The following GUCY2C variants were observed in gnomAD, a reference collection of about 807,000 sequenced individuals.
The protein encoded by GUCY2C is guanylyl cyclase C.
Under a neutral mutation model 131.1 loss-of-function variants are expected in GUCY2C, and 118 were observed. That is an observed-to-expected ratio of 0.90 (90% CI 0.78 to 1.05). The LOEUF (loss-of-function observed/expected upper bound fraction) is 1.05, where lower values mean the gene tolerates loss of function less well. Among genes scored for constraint, GUCY2C ranks in the 50% least tolerant of loss-of-function variants. The pLI, the probability that GUCY2C is intolerant of heterozygous loss-of-function variation, is 0.00. For synonymous variants in GUCY2C, 452 were observed against 457.8 expected, an observed-to-expected ratio of 0.99 and a Z score of 0.16; for missense variants, 1,161 against 1,304.4, an observed-to-expected ratio of 0.89 and a Z score of 1.69.
chr12:14,693,355 G>C (rs571743151), intron 1 of GUCY2C, among the ~76,000 whole-genome samples: 6 of 152,102 alleles, frequency 3.9e-5, no homozygotes, highest in Non-Finnish European at 7.4e-5. Context: ...GATTAGCCTT[G>C]GAACCATACA....
At chr12:14,663,623 T>A (rs1209503758) in intron 10 of GUCY2C, among the ~76,000 whole-genome samples, 2 of 152,146 alleles carry the variant, frequency 1.3e-5, no homozygotes, top group Non-Finnish European at 2.9e-5. Context: ...TTGATGTAGG[T>A]GCCCCGAAAA....
intron 11 of GUCY2C, among the ~76,000 whole-genome samples, chr12:14,657,350 C>T (rs1191600550): frequency 6.6e-6 from 1 of 152,210 alleles, no homozygotes; most frequent in Non-Finnish European, 1.5e-5. Flanking sequence ...TCCTCTTACC[C>T]ATCTGTGCCT....
chr12:14,648,933 A>G (rs536998459), intron 15 of GUCY2C, among the ~76,000 whole-genome samples: 3 of 152,300 alleles, frequency 2.0e-5, no homozygotes, highest in Non-Finnish European at 4.4e-5. Flanking sequence ...TTAACTCTAC[A>G]AGAGTTGTTA....
chr12:14,680,497 A>T (rs1404939198), intron 5 of GUCY2C, among the ~76,000 whole-genome samples: 1 of 152,178 alleles, frequency 6.6e-6, no homozygotes, highest in Non-Finnish European at 1.5e-5. Flanking sequence ...AATATAACAA[A>T]TGCTTGATAA....
chr12:14,681,262 C>G, intron 5 of GUCY2C, 94 bp downstream of exon 5: 1 of 1,051,010 alleles, frequency 9.5e-7, no homozygotes, highest in South Asian at 1.4e-5. Flanking sequence ...AGGATGATAG[C>G]TCTGCAGTGG....
At position 14,683,244 on chromosome 12, in the gene GUCY2C, A is replaced by G. The variant is rs576926768; in HGVS notation, c.409T>C (p.Leu137=). The change falls in exon 4 of 27, where the codon TTG becomes CTG. Residue 137 remains leucine, a synonymous_variant. Transcript: ENST00000261170. ...CCAGCTGAGATCATGGGGTAGCTCA[A>G]TTCTGTGTCAAGGCTATGTCAAGAG... ...STFQMYLDTE[L]SYPMISAGSF... The G allele has an allele frequency of 2.5e-6, 4 of 1,611,996 alleles. No homozygotes were observed. Among genetic ancestry groups the G allele is most frequent in the South Asian group, 2.2e-5 (2 of 91,020 alleles).
At chr12:14,650,833 A>C (rs1330970186) in intron 15 of GUCY2C, among the ~76,000 whole-genome samples, 1 of 152,232 alleles carries the variant, frequency 6.6e-6, no homozygotes, top group African/African-American at 2.4e-5. Context: ...AACTTTTAAA[A>C]GAGATAGTAA....
rs1412074724 is a variant in GUCY2C at position 14,660,997 on chromosome 12, C to T, written c.1348G>A (p.Ala450Thr). The T allele has an allele frequency of 3.1e-6, 5 of 1,611,054 alleles. No homozygotes were observed. The highest frequency in any genetic ancestry group is 1.7e-5 in the Admixed American group (1 of 60,008). The change falls in exon 11 of 27, where the codon GCT becomes ACT. Residue 450 changes from alanine (A) to threonine (T), a missense_variant. By Grantham distance (58) the Ala-to-Thr change is moderately conservative. Coordinates refer to ENST00000261170, the MANE Select transcript of GUCY2C (RefSeq NM_004963.4). Reference sequence around the variant, plus strand: ...CGGCTGTACCTGAGCATCAGGAGAGCGACGAGCAGGAGCAGCACCACAGCT... The same window carrying T: ...CGGCTGTACCTGAGCATCAGGAGAGTGACGAGCAGGAGCAGCACCACAGCT... Reference protein sequence around the residue: ...TGAVVLLLLVALLMLRKYRKD... With the variant: ...TGAVVLLLLVTLLMLRKYRKD...
chr12:14,695,400 G>A (rs1240571924), intron 1 of GUCY2C, among the ~76,000 whole-genome samples: 1 of 152,058 alleles, frequency 6.6e-6, no homozygotes, highest in Non-Finnish European at 1.5e-5. Context: ...CACAGCCACA[G>A]GAAATGTAAA....
At chr12:14,670,028 G>A (rs547105282) in intron 9 of GUCY2C, among the ~76,000 whole-genome samples, 195 bp from the exon 10 acceptor site, 4 of 152,158 alleles carry the variant, frequency 2.6e-5, no homozygotes, top group African/African-American at 9.7e-5. Context: ...CAGATGGACC[G>A]ATTAGTTTCC....
intron 2 of GUCY2C, 100 bp from the exon 3 acceptor site, chr12:14,686,325 T>C: frequency 1.2e-6 from 1 of 826,546 alleles, no homozygotes; most frequent in Non-Finnish European, 2.0e-6. Context: ...GTTTAGAAAG[T>C]TGGGCCTCCC....
At chr12:14,695,474 A>G (rs1246157606) in intron 1 of GUCY2C, among the ~76,000 whole-genome samples, 1 of 151,770 alleles carries the variant, frequency 6.6e-6, no homozygotes, top group Non-Finnish European at 1.5e-5. Flanking sequence ...GGTGGTGGGC[A>G]CCTGTAGTCC....
intron 9 of GUCY2C, among the ~76,000 whole-genome samples, chr12:14,671,347 A>G (rs891060550): frequency 1.3e-5 from 2 of 152,170 alleles, no homozygotes; most frequent in Non-Finnish European, 2.9e-5. Flanking sequence ...CGCGTTGGCC[A>G]GGCTGGTCTC....
rs117763438 is a variant in GUCY2C at position 14,658,566 on chromosome 12, C to G, written c.1365-1949G>C. Among the ~76,000 whole-genome samples, 768 of 152,258 alleles carry G rather than the reference C, an allele frequency of 5.0e-3. 2 individuals carry two copies. Among genetic ancestry groups the G allele is most frequent in the Non-Finnish European group, 8.5e-3 (577 of 68,020 alleles). The stretch of plus-strand genomic sequence containing the variant: ...TGGTACACGCCTGTAATTGTACCTA[C>G]TAGTGAGGCCAAGGCACGAGAATTG... On this transcript the variant is annotated intron_variant, in intron 11 of 26. Transcript: ENST00000261170.
chr12:14,692,443 T>C (rs936787625), intron 1 of GUCY2C, among the ~76,000 whole-genome samples: 56 of 152,226 alleles, frequency 3.7e-4, no homozygotes, highest in African/African-American at 1.3e-3. Context: ...TTGATGAATT[T>C]ATAAAAAATG....
At chr12:14,650,599 T>C (rs1421596192) in intron 15 of GUCY2C, among the ~76,000 whole-genome samples, 2 of 152,200 alleles carry the variant, frequency 1.3e-5, no homozygotes, top group Non-Finnish European at 1.5e-5. Context: ...CTCTGTGATC[T>C]TAATTCTCCT....
In GUCY2C at chr12:14,653,031, C is replaced by A. The variant is rs763401882; in HGVS notation, c.1471-17G>T. The A allele has an allele frequency of 2.9e-5, 46 of 1,586,764 alleles. 1 individual carries two copies. The South Asian group carries it at 3.5e-4, about 12-fold the overall frequency. ...ATCATCGATCTGGCACAAGAAAAGG[C>A]TAATTATTCCAGAAGCTCCATATCT... On this transcript the variant is annotated splice_polypyrimidine_tract_variant and intron_variant, in intron 12 of 26. Transcript: ENST00000261170.
intron 6 of GUCY2C, among the ~76,000 whole-genome samples, chr12:14,677,364 CTT>C (rs1948256552): frequency 6.6e-6 from 1 of 152,116 alleles, no homozygotes; most frequent in African/African-American, 2.4e-5. Context: ...TATCACTAAA[CTT>C]ATGTTTTAGA....
At chr12:14,619,331 A>C in intron 23 of GUCY2C, 22 bp from the exon 24 acceptor site, 1 of 1,455,226 alleles carries the variant, frequency 6.9e-7, no homozygotes. Context: ...GACAGAAAGC[A>C]GGAAGTGGAG....
Sources: allele counts gnomAD v4.1 joint callset (sites outside exome capture counted in the v4.1 genomes callset), GRCh38; gene constraint gnomAD v4.1.1; transcripts MANE v1.5; gene names NCBI Gene and HGNC (gene_info 2026-07-23, HGNC 2026-07-21).